Variants in BZW2 observed in about 807,000 individuals in gnomAD.
BZW2 encodes the protein eIF5-mimic protein 1.
A neutral mutation model predicts 53.2 loss-of-function variants in BZW2; 23 were observed. The observed-to-expected ratio is 0.43, with a 90% CI of 0.31 to 0.61. The LOEUF is 0.61. BZW2 is among the 20% of genes least tolerant of loss of function. The probability of loss-of-function intolerance (pLI) is 0.09; values close to 1 mark genes in which losing one functional copy is unlikely to be tolerated. For missense variants in BZW2, 409 were observed against 503.1 expected (o/e 0.81, Z 1.79); for synonymous variants, 227 against 186.4 (o/e 1.22, Z -1.77).
In BZW2 at chr7:16,697,069, C is replaced by G. The variant is rs775419192; in HGVS notation, c.969+8C>G. The G allele has an allele frequency of 3.7e-6, 6 of 1,612,810 alleles. No homozygotes were observed. The highest frequency in any genetic ancestry group is 5.1e-6 in the Non-Finnish European group (6 of 1,179,598). On this transcript the variant is annotated splice_region_variant and intron_variant, in intron 9 of 11. Coordinates refer to ENST00000258761, the MANE Select transcript of BZW2 (RefSeq NM_014038.3). ...GCTCTGAAGCACCTGAAGGTAACAGCCCTTAGCAAGGAACTGACCCAGCCA... is the reference window on the plus strand; with the variant it reads ...GCTCTGAAGCACCTGAAGGTAACAGGCCTTAGCAAGGAACTGACCCAGCCA...
intron 2 of BZW2, 47 bp from the exon 3 acceptor site, chr7:16,674,365 G>A (rs778102314): frequency 2.9e-6 from 4 of 1,388,500 alleles, no homozygotes; most frequent in Non-Finnish European, 3.9e-6. Context: ...TATACTCTCA[G>A]TATTTATTTA....
intron 11 of BZW2, among the ~76,000 whole-genome samples, chr7:16,705,099 G>A (rs1292410814): frequency 6.6e-6 from 1 of 152,202 alleles, no homozygotes; most frequent in African/African-American, 2.4e-5. Context: ...GCTCACACCT[G>A]TAATCCCAGC....
At chr7:16,684,678 C>T (rs1425990285) in intron 5 of BZW2, among the ~76,000 whole-genome samples, 1 of 152,092 alleles carries the variant, frequency 6.6e-6, no homozygotes, top group Non-Finnish European at 1.5e-5. Context: ...TTCTTTCATT[C>T]TTCCCCATTT....
At chr7:16,681,273 C>G in intron 3 of BZW2, 28 bp from the exon 4 acceptor site, 2 of 1,557,078 alleles carry the variant, frequency 1.3e-6, no homozygotes. Context: ...CAGTATTATC[C>G]TAATTACAAT....
intron 7 of BZW2, among the ~76,000 whole-genome samples, chr7:16,692,419 G>A (rs984501722): frequency 6.6e-6 from 1 of 152,070 alleles, no homozygotes; most frequent in South Asian, 2.1e-4. Flanking sequence ...TATTTCAGGA[G>A]AGTGGGCCAT....
chr7:16,646,219 T>TGCTGCTGCC lies in BZW2; in HGVS notation c.-72_-71insTGCCGCTGC, dbSNP rs1781856924. On this transcript the variant is annotated 5_prime_UTR_variant, in exon 1 of 12. Transcript: ENST00000258761. The stretch of plus-strand genomic sequence containing the variant: ...CTGCCGCCACTGCTGCTGCTGCTGC[T>TGCTGCTGCC]GCTGCCGCTGCTGCTGCACGAATCG... 3 of 344,702 alleles carry TGCTGCTGCC rather than the reference T, an allele frequency of 8.7e-6. No homozygotes were observed. Among genetic ancestry groups the TGCTGCTGCC allele is most frequent in the African/African-American group, 6.6e-5 (3 of 45,524 alleles). The allele number at this position is 344,702 out of a possible 1,614,324, so 21.4% of individuals were successfully genotyped here.
intron 10 of BZW2, among the ~76,000 whole-genome samples, chr7:16,701,727 C>T (rs1001661250): frequency 5.3e-5 from 8 of 152,072 alleles, no homozygotes; most frequent in East Asian, 3.8e-4. Flanking sequence ...CAAATTTATT[C>T]CTTAAACGTG....
intron 8 of BZW2, chr7:16,695,730 C>G (rs1314889430): frequency 6.6e-6 from 1 of 152,056 alleles, no homozygotes; most frequent in East Asian, 1.9e-4. Context: ...TCCACGTGCT[C>G]TAAAATGCCT....
At chr7:16,696,236 T>A (rs1783483793) in intron 8 of BZW2, among the ~76,000 whole-genome samples, 1 of 152,214 alleles carries the variant, frequency 6.6e-6, no homozygotes, top group Non-Finnish European at 1.5e-5. Context: ...ATTTATTATT[T>A]TATTTTAAAA....
At chr7:16,684,086 G>T (rs1335582542) in intron 5 of BZW2, among the ~76,000 whole-genome samples, 1 of 152,194 alleles carries the variant, frequency 6.6e-6, no homozygotes, top group African/African-American at 2.4e-5. Flanking sequence ...GGTGGGAGAT[G>T]AAGACTGTTT....
rs182364136 is a variant in BZW2, at chr7:16,663,611, A to C, written c.-7-1826A>C. On this transcript the variant is annotated intron_variant, in intron 1 of 11. Transcript: ENST00000258761. The stretch of plus-strand genomic sequence containing the variant: ...ATGTTCTTAAGGATTTTTTAAAAAA[A>C]ACTTTTGGGAGTAATTAAATTACTT... Among the ~76,000 whole-genome samples the C allele has an allele frequency of 5.3e-4, 80 of 152,276 alleles. 1 individual carries two copies. The highest frequency in any genetic ancestry group is 3.5e-4 in the Non-Finnish European group (24 of 68,008).
intron 2 of BZW2, among the ~76,000 whole-genome samples, chr7:16,673,235 C>T (rs11772917): frequency 0.2 from 31,176 of 152,148 alleles, 3,893 homozygotes; most frequent in East Asian, 0.37. Context: ...CGTGAGCCAC[C>T]ACGCCCGGCC....
At chr7:16,649,187 C>T (rs550523191) in intron 1 of BZW2, among the ~76,000 whole-genome samples, 1 of 152,262 alleles carries the variant, frequency 6.6e-6, no homozygotes, top group South Asian at 2.1e-4. Flanking sequence ...TATTATTAAT[C>T]TGTTTGGTCC....
At chr7:16,703,586 A>C (rs1783741090) in intron 10 of BZW2, among the ~76,000 whole-genome samples, 1 of 152,174 alleles carries the variant, frequency 6.6e-6, no homozygotes, top group South Asian at 2.1e-4. Context: ...AATTGAGCAC[A>C]TCTCGGGGAC....
At chr7:16,653,497 G>C (rs818586) in intron 1 of BZW2, among the ~76,000 whole-genome samples, 83,126 of 151,704 alleles carry the variant, frequency 0.55, 22,945 homozygotes, top group African/African-American at 0.59. Context: ...TTCATCTCCT[G>C]GTTCTCCTCA....
chr7:16,686,202 A>G, intron 6 of BZW2, 162 bp downstream of exon 6: 1 of 1,121,724 alleles, frequency 8.9e-7, no homozygotes, highest in Non-Finnish European at 1.3e-6. Flanking sequence ...AAATAATAAA[A>G]GGAGTGGACT....
At chr7:16,701,187 A>G (rs1176278231) in intron 10 of BZW2, among the ~76,000 whole-genome samples, 1 of 152,220 alleles carries the variant, frequency 6.6e-6, no homozygotes, top group Non-Finnish European at 1.5e-5. Context: ...CTAGATTTGC[A>G]TATTTTTAAG....
At chr7:16,697,159 C>T (rs531675262) in intron 9 of BZW2, 98 bp downstream of exon 9, 38 of 1,375,306 alleles carry the variant, frequency 2.8e-5, no homozygotes, top group South Asian at 2.3e-4. Context: ...GCACGATCTG[C>T]GCTCACTGCA....
At chr7:16,663,492 C>T (rs697515) in intron 1 of BZW2, among the ~76,000 whole-genome samples, 4 of 151,188 alleles carry the variant, frequency 2.6e-5, no homozygotes, top group African/African-American at 2.4e-5. Context: ...ATTAACTTGA[C>T]GTTTTCAATA....
Sources: allele counts gnomAD v4.1 joint callset (sites outside exome capture counted in the v4.1 genomes callset), GRCh38; gene constraint gnomAD v4.1.1; transcripts MANE v1.5; gene names NCBI Gene and HGNC (gene_info 2026-07-23, HGNC 2026-07-21).